The following RTL1 variants were observed in gnomAD, a reference collection of about 807,000 sequenced individuals.
RTL1 encodes the protein retrotransposon-like protein 1.
For missense variants in RTL1, 1,681 were observed against 1,767.5 expected, an observed-to-expected ratio of 0.95 and a Z score of 0.88; for synonymous variants, 727 against 748.4, an observed-to-expected ratio of 0.97 and a Z score of 0.47.
At chr14:100,898,859 G>A (rs1595345809) in intron 2 of RTL1, 1 of 152,246 alleles carries the variant, frequency 6.6e-6, no homozygotes, top group Non-Finnish European at 1.5e-5. Context: ...ATGCCTCATT[G>A]ACATTTTTTT....
In RTL1 at chr14:100,882,702, T is replaced by C; in HGVS notation, c.2087A>G (p.Glu696Gly). Reference sequence around the variant, plus strand: ...CGCAAACGGCTGGTAGCTCTTCATCTCTTCAAGCTCCAAACCAAACGCTGC... The same window carrying C: ...CGCAAACGGCTGGTAGCTCTTCATCCCTTCAAGCTCCAAACCAAACGCTGC... Reference protein sequence around the residue: ...WKAAFGLELEEMKSYQPFALS... With the variant: ...WKAAFGLELEGMKSYQPFALS... The change falls in exon 4 of 4, where the codon GAG becomes GGG. Residue 696 changes from glutamate to glycine, a missense_variant. Physicochemically the swap from Glu to Gly is moderately conservative, Grantham distance 98. Transcript: ENST00000649591. The C allele has an allele frequency of 1.3e-6, 2 of 1,551,880 alleles. No homozygotes were observed. Among genetic ancestry groups the C allele is most frequent in the East Asian group, 4.9e-5 (2 of 40,916 alleles).
chr14:100,897,763 T>TGGGGGGGGGGGGGGGGGG (rs1566760864), intron 2 of RTL1: 2 of 26,744 alleles, frequency 7.5e-5, no homozygotes, highest in Non-Finnish European at 1.5e-4. Context: ...GGGGGGGGGG[T>TGGGGGGGGGGGGGGGGGG]GGGGGGGTGG....
intron 2 of RTL1, among the ~76,000 whole-genome samples, chr14:100,901,541 A>C (rs1299431557): frequency 6.6e-6 from 1 of 152,182 alleles, no homozygotes; most frequent in Non-Finnish European, 1.5e-5. Context: ...AGCTTTCATG[A>C]GTCCACTGAA....
At chr14:100,892,288 C>T (rs1016370025) in intron 3 of RTL1, among the ~76,000 whole-genome samples, 15 of 152,122 alleles carry the variant, frequency 9.9e-5, no homozygotes, top group Non-Finnish European at 1.8e-4. Context: ...ACAAGGAGGG[C>T]CCCACCTCAG....
intron 3 of RTL1, among the ~76,000 whole-genome samples, chr14:100,886,231 A>G (rs1023618014): frequency 4.6e-5 from 7 of 151,682 alleles, no homozygotes; most frequent in African/African-American, 1.7e-4. Flanking sequence ...AAAAAAAAAA[A>G]CTGCGTTCCC....
chr14:100,883,517 C>G lies in RTL1; in HGVS notation c.1272G>C (p.Ala424=), dbSNP rs763881276. Residue 424 remains alanine, a synonymous_variant, in exon 4 of 4, where the codon GCG becomes GCC. Transcript: ENST00000649591. The surrounding 1 kb of genome is among the most constrained non-coding windows in gnomAD (Gnocchi z 5.9). ...CTCCCGAATCCACCAGGGCCTGGACCGCGACGCTGTGGTAGGGGTTCACTC... is the reference window on the plus strand; with the variant it reads ...CTCCCGAATCCACCAGGGCCTGGACGGCGACGCTGTGGTAGGGGTTCACTC... ...MVRVNPYHSV[A]VQALVDSGAD... is the part of the protein sequence containing the mutation. 3 of 1,551,358 alleles carry G rather than the reference C, an allele frequency of 1.9e-6. No individual in the cohort carries two copies. The highest frequency in any genetic ancestry group is 2.6e-6 in the Non-Finnish European group (3 of 1,146,986).
intron 2 of RTL1, among the ~76,000 whole-genome samples, chr14:100,896,085 G>GAA (rs1314829223): frequency 1.3e-5 from 2 of 149,140 alleles, no homozygotes; most frequent in Middle Eastern, 3.5e-3. Flanking sequence ...AAAAAAAAAA[G>GAA]AAAGAAAAAT....
chr14:100,901,831 C>T (rs1307575081), intron 2 of RTL1, among the ~76,000 whole-genome samples: 1 of 152,196 alleles, frequency 6.6e-6, no homozygotes, highest in African/African-American at 2.4e-5. Flanking sequence ...TCCTCTCCCT[C>T]ATTGCCTTAT....
chr14:100,894,788 C>T (rs1292772018), intron 2 of RTL1: 1 of 152,266 alleles, frequency 6.6e-6, no homozygotes, highest in Admixed American at 6.5e-5. Flanking sequence ...AAATGATATT[C>T]ATTGTCCTAA....
Position 100,883,423 on chromosome 14 carries a change from G to A in RTL1, c.1366C>T (p.Pro456Ser). The A allele has an allele frequency of 5.2e-6, 8 of 1,550,410 alleles. No individual in the cohort carries two copies. The highest frequency in any genetic ancestry group is 7.0e-6 in the Non-Finnish European group (8 of 1,146,178). ...HYVELYEKPY[P>S]QPVQSVDGSL... ...CCGTCCACGGATTGGACCGGCTGTG[G>A]GTACGGCTTCTCGTAGAGCTCGACG... The change falls in exon 4 of 4, where the codon CCA becomes TCA. Residue 456 changes from proline to serine, a missense_variant. Physicochemically the swap from Pro to Ser is moderately conservative, Grantham distance 74 (BLOSUM62 -1). Coordinates refer to ENST00000649591, the MANE Select transcript of RTL1 (RefSeq NM_001134888.3). This position sits in a 1 kb window ranked among gnomAD's most constrained non-coding sequence, Gnocchi z 5.9.
rs1220694200 is a variant in RTL1 at position 100,881,415 on chromosome 14, C to G, written c.3374G>C (p.Arg1125Pro). ...VARPQPQRSLRLILDSSLIAG... is the reference protein window; with the variant it reads ...VARPQPQRSLPLILDSSLIAG... Reference sequence around the variant, plus strand: ...GATGAGGGACGAATCCAGGATGAGTCGTAGGGAGCGCTGGGGCTGGGGCCG... The same window carrying G: ...GATGAGGGACGAATCCAGGATGAGTGGTAGGGAGCGCTGGGGCTGGGGCCG... Residue 1125 changes from arginine (R) to proline (P), a missense_variant, in exon 4 of 4, where the codon CGA (arginine) becomes CCA (proline). Coordinates refer to ENST00000649591, the MANE Select transcript of RTL1 (RefSeq NM_001134888.3). This position sits in a 1 kb window ranked among gnomAD's most constrained non-coding sequence, Gnocchi z 6.6. 18 of 1,550,786 alleles carry G rather than the reference C, an allele frequency of 1.2e-5. No homozygotes were observed. Among genetic ancestry groups the G allele is most frequent in the Non-Finnish European group, 1.6e-5 (18 of 1,146,958 alleles).
rs1276161263 is a variant in RTL1 at position 100,883,120 on chromosome 14, G to T, written c.1669C>A (p.His557Asn). The T allele has an allele frequency of 1.2e-6, 2 of 1,612,204 alleles. No individual in the cohort carries two copies. The highest frequency in any genetic ancestry group is 2.2e-5 in the South Asian group (2 of 90,596). Residue 557 changes from histidine to asparagine, a missense_variant, in exon 4 of 4, where the codon CAC becomes AAC. Coordinates refer to ENST00000649591, the MANE Select transcript of RTL1 (RefSeq NM_001134888.3). This position sits in a 1 kb window ranked among gnomAD's most constrained non-coding sequence, Gnocchi z 5.9. Reference protein sequence around the residue: ...HGMSLLPGLPHPYSDLADVFN... With the variant: ...HGMSLLPGLPNPYSDLADVFN... ...ACGTCGGCCAGGTCTGAGTATGGGTGTGGCAGTCCGGGTAGCAGGCTCATG... is the reference window on the plus strand; with the variant it reads ...ACGTCGGCCAGGTCTGAGTATGGGTTTGGCAGTCCGGGTAGCAGGCTCATG...
chr14:100,900,806 C>T (rs895082169), intron 2 of RTL1, among the ~76,000 whole-genome samples: 4 of 152,218 alleles, frequency 2.6e-5, no homozygotes, highest in Admixed American at 6.5e-5. Context: ...CCCTGCATCG[C>T]GCCCCCTCCC....
Position 100,883,235 on chromosome 14 carries a change from C to T in RTL1, c.1554G>A (p.Trp518Ter). Residue 518 changes from tryptophan to a stop codon, truncating the protein, a stop_gained, in exon 4 of 4, where the codon TGG becomes TGA. Coordinates refer to ENST00000649591, the MANE Select transcript of RTL1 (RefSeq NM_001134888.3). LOFTEE classifies it low-confidence loss of function (END_TRUNC). The surrounding 1 kb of genome is among the most constrained non-coding windows in gnomAD (Gnocchi z 5.9). ...AGTGGAAGGTGCAGCGGCCTTTGAT[C>T]CAGTCGACTTCGGGGGCGTGGACTC... The part of the protein sequence containing the change: ...WLRVHAPEVD[W>*]IKGRCTFHSP... 6.4e-7 allele frequency: 1 copy of T among 1,552,268 alleles called. No individual in the cohort carries two copies. Among genetic ancestry groups the T allele is most frequent in the Non-Finnish European group, 8.7e-7 (1 of 1,147,282 alleles).
Position 100,882,906 on chromosome 14 carries a change from C to G in RTL1, c.1883G>C (p.Arg628Thr). The G allele has an allele frequency of 6.2e-7, 1 of 1,604,132 alleles. No homozygotes were observed. Among genetic ancestry groups the G allele is most frequent in the Non-Finnish European group, 8.5e-7 (1 of 1,174,190 alleles). ...PVGARMQERARLQEEYWDLQD... is the reference protein window; with the variant it reads ...PVGARMQERATLQEEYWDLQD... ...CAGGTCCCAGTATTCCTCCTGTAGC[C>G]TGGCTCTTTCTTGCATCCTGGCACC... The change falls in exon 4 of 4, where the codon AGG becomes ACG. Residue 628 changes from arginine to threonine, a missense_variant. Physicochemically the swap from Arg to Thr is moderately conservative, Grantham distance 71 (BLOSUM62 -1). Transcript: ENST00000649591.
chr14:100,902,372 C>G (rs1054001980), intron 2 of RTL1, among the ~76,000 whole-genome samples: 14 of 152,232 alleles, frequency 9.2e-5, no homozygotes, highest in Non-Finnish European at 2.9e-5. Flanking sequence ...TGTCTCTGTT[C>G]TTTTAGACCT....
At position 100,880,321 on chromosome 14, in the gene RTL1, C is replaced by T. The variant is rs1381588988; in HGVS notation, c.*391G>A. On this transcript the variant is annotated 3_prime_UTR_variant, in exon 4 of 4. Transcript: ENST00000649591. The stretch of plus-strand genomic sequence containing the variant: ...GTGTCCCAGGGTGGCCATCACCAGG[C>T]CGGGTGGGGGGCCCCGTCACCTGCT... 1.3e-5 allele frequency among the ~76,000 whole-genome samples: 2 copies of T among 151,982 alleles called. No individual in the cohort carries two copies. Among genetic ancestry groups the T allele is most frequent in the African/African-American group, 4.8e-5 (2 of 41,388 alleles).
intron 3 of RTL1, chr14:100,889,786 G>A (rs1223583171): frequency 9.0e-6 from 1 of 111,666 alleles, no homozygotes; most frequent in Non-Finnish European, 2.4e-5. Flanking sequence ...AGCAGGGCCA[G>A]GGGGTTCCCT....
Position 100,882,528 on chromosome 14 carries a change from A to G in RTL1, c.2261T>C (p.Val754Ala). ...GTAGACGTTGTGATGGCGGAAGCGG[A>G]CCAGGACTTGGCGGACGTGGTGGAG... ...EHLHHVRQVLVRFRHHNVYCS... is the reference protein window; with the variant it reads ...EHLHHVRQVLARFRHHNVYCS... The change falls in exon 4 of 4, where the codon GTC (valine) becomes GCC (alanine). Residue 754 changes from valine (V) to alanine (A), a missense_variant. Physicochemically the swap from Val to Ala is moderately conservative, Grantham distance 64 (BLOSUM62 0). Coordinates refer to ENST00000649591, the MANE Select transcript of RTL1 (RefSeq NM_001134888.3). 6.4e-7 allele frequency: 1 copy of G among 1,551,890 alleles called. No individual in the cohort carries two copies. The highest frequency in any genetic ancestry group is 8.7e-7 in the Non-Finnish European group (1 of 1,147,044).
Sources: gnomAD v4.1 joint callset for allele counts (sites outside exome capture counted in the v4.1 genomes callset) on GRCh38, gnomAD v4.1.1 for gene constraint, Gnocchi (gnomAD v3.1) non-coding constraint, MANE v1.5 for transcripts, NCBI Gene and HGNC (gene_info 2026-07-23, HGNC 2026-07-21) for gene names.